TM9SF4: variants seen among roughly 807,000 people sequenced by gnomAD.
TM9SF4 encodes transmembrane 9 superfamily member 4.
TM9SF4 carries 26 observed loss-of-function variants against 90.4 expected under a neutral mutation model. That is an observed-to-expected ratio of 0.29 (90% CI 0.21 to 0.40). The LOEUF (loss-of-function observed/expected upper bound fraction) is 0.40, where lower values mean the gene tolerates loss of function less well. TM9SF4 is among the 10% of genes least tolerant of loss of function. TM9SF4 has a pLI of 1.00. For synonymous variants in TM9SF4, 293 were observed against 315.4 expected (o/e 0.93, Z 0.75); for missense variants, 549 against 834.8 (o/e 0.66, Z 4.22).
intron 1 of TM9SF4, 37 bp downstream of exon 1, chr20:32,109,792 G>C (rs1196605313): frequency 6.4e-6 from 10 of 1,551,404 alleles, no homozygotes; most frequent in Non-Finnish European, 8.7e-6. Context: ...GAGCTGGAGC[G>C]GGGCCCTCCG....
chr20:32,150,919 G>GC, intron 12 of TM9SF4, 44 bp downstream of exon 12: 1 of 1,605,944 alleles, frequency 6.2e-7, no homozygotes, highest in Non-Finnish European at 8.5e-7. Flanking sequence ...AAGCAGAGAA[G>GC]CTTCTTCCTG....
intron 17 of TM9SF4, among the ~76,000 whole-genome samples, chr20:32,163,268 A>AATATATATATATATATAT (rs1186662308): frequency 5.1e-4 from 38 of 74,350 alleles, no homozygotes; most frequent in African/African-American, 7.7e-4. Flanking sequence ...AAAAAAAAAA[A>AATATATATATATATATAT]ATATATATAT....
At position 32,154,764 on chromosome 20, in the gene TM9SF4, C is replaced by G. The variant is rs564244910; in HGVS notation, c.1246-339C>G. On this transcript the variant is annotated intron_variant, in intron 12 of 17. Coordinates refer to ENST00000398022, the MANE Select transcript of TM9SF4 (RefSeq NM_014742.4). ...CACCACGCCTGGCCAGAGTAGTTAC[C>G]GTGTTCTCAGTGATGAGAGTACATC... Among the ~76,000 whole-genome samples, 17 of 152,302 alleles carry G rather than the reference C, an allele frequency of 1.1e-4. No individual in the cohort carries two copies. The East Asian group carries it at 2.9e-3, about 26-fold the overall frequency.
intron 12 of TM9SF4, among the ~76,000 whole-genome samples, chr20:32,153,601 T>G (rs1223387595): frequency 6.6e-6 from 1 of 151,692 alleles, no homozygotes; most frequent in Non-Finnish European, 1.5e-5. Context: ...ATAAATTACT[T>G]GGATGTGGTG....
rs572499351 is a variant in TM9SF4, at chr20:32,128,420, C to T, written c.16-4593C>T. Among the ~76,000 whole-genome samples the T allele has an allele frequency of 3.9e-5, 6 of 152,226 alleles. No homozygotes were observed. In the East Asian group the frequency reaches 9.6e-4, roughly 24 times the overall value. ...GAAATGCAGGTTCTAGGGTAGGGCC[C>T]GTGATTCTGCATTTCTTTTCTTTTT... On this transcript the variant is annotated intron_variant, in intron 1 of 17. Transcript: ENST00000398022.
intron 1 of TM9SF4, among the ~76,000 whole-genome samples, chr20:32,112,727 C>T (rs2046164680): frequency 6.6e-6 from 1 of 151,306 alleles, no homozygotes; most frequent in South Asian, 2.1e-4. Context: ...CAAAACACAC[C>T]ACCACCAACA....
chr20:32,141,642 C>A lies in TM9SF4; in HGVS notation c.375C>A (p.Ile125=), dbSNP rs1322162650. 1 of 1,614,008 alleles carries A rather than the reference C, an allele frequency of 6.2e-7. No individual in the cohort carries two copies. The highest frequency in any genetic ancestry group is 1.7e-5 in the Admixed American group (1 of 60,000). The part of the protein sequence containing the change: ...VEQSRLVAER[I]TEDYYVHLIA... Reference sequence around the variant, plus strand: ...AGAGCCGACTCGTGGCCGAGCGGATCACAGAAGACTACTACGTCCACCTGT... The same window carrying A: ...AGAGCCGACTCGTGGCCGAGCGGATAACAGAAGACTACTACGTCCACCTGT... Residue 125 remains isoleucine (I), a synonymous_variant, in exon 4 of 18, where the codon ATC becomes ATA. Coordinates refer to ENST00000398022, the MANE Select transcript of TM9SF4 (RefSeq NM_014742.4).
rs529323548 is a variant in TM9SF4 at position 32,155,228 on chromosome 20, G to A, written c.1329+42G>A. ...CCCTTCCAGCCCCTCCCCAGCAAGC[G>A]AGGACCAGTTGCACTCAGCCCTACT... On this transcript the variant is annotated intron_variant, in intron 13 of 17. Transcript: ENST00000398022. The A allele has an allele frequency of 1.4e-4, 216 of 1,535,198 alleles. No homozygotes were observed. In the South Asian group the frequency reaches 1.9e-3, roughly 13 times the overall value.
At chr20:32,115,126 A>T (rs1222628651) in intron 1 of TM9SF4, among the ~76,000 whole-genome samples, 1 of 152,086 alleles carries the variant, frequency 6.6e-6, no homozygotes, top group Non-Finnish European at 1.5e-5. Context: ...GTTCTGCAGG[A>T]GCTACTGTGT....
chr20:32,136,009 A>T (rs2046589568), intron 2 of TM9SF4, 65 bp from the exon 3 acceptor site: 3 of 1,408,978 alleles, frequency 2.1e-6, no homozygotes, highest in Non-Finnish European at 3.0e-6. Flanking sequence ...TACCAAGTGT[A>T]CTAAAGATGT....
Position 32,157,873 on chromosome 20 carries a change from T to A in TM9SF4, c.1409T>A (p.Phe470Tyr). The A allele has an allele frequency of 6.2e-7, 1 of 1,614,124 alleles. No individual in the cohort carries two copies. Among genetic ancestry groups the A allele is most frequent in the Non-Finnish European group, 8.5e-7 (1 of 1,180,022 alleles). The change falls in exon 14 of 18, where the codon TTC becomes TAC. Residue 470 changes from phenylalanine (F) to tyrosine (Y), a missense_variant. Transcript: ENST00000398022. ...CCCCTCGTCTACTTGGGCTACTACT[T>A]CGGCTTCCGAAAGCAGCCATATGAC... ...SLPLVYLGYY[F>Y]GFRKQPYDNP... is the part of the protein sequence containing the mutation.
chr20:32,147,105 G>A (rs986169767), intron 9 of TM9SF4, among the ~76,000 whole-genome samples: 5 of 150,528 alleles, frequency 3.3e-5, no homozygotes, highest in African/African-American at 7.4e-5. Flanking sequence ...TCAACCTCCC[G>A]AATAGCTGAG....
chr20:32,148,148 G>T (rs749642860), intron 9 of TM9SF4, among the ~76,000 whole-genome samples: 4 of 151,992 alleles, frequency 2.6e-5, no homozygotes, highest in Non-Finnish European at 4.4e-5. Context: ...CTAAAATTTC[G>T]AATGTAATGA....
At chr20:32,163,322 C>A (rs2047054627) in intron 17 of TM9SF4, among the ~76,000 whole-genome samples, 1 of 138,624 alleles carries the variant, frequency 7.2e-6, no homozygotes, top group South Asian at 2.4e-4. Flanking sequence ...TGTACACATA[C>A]ATACCAGGGC....
intron 12 of TM9SF4, among the ~76,000 whole-genome samples, chr20:32,152,715 C>T (rs1210055140): frequency 6.6e-6 from 1 of 152,210 alleles, no homozygotes; most frequent in Non-Finnish European, 1.5e-5. Flanking sequence ...CCACACCACC[C>T]TTTCTTCTCA....
chr20:32,111,065 T>C (rs1332110248), intron 1 of TM9SF4, among the ~76,000 whole-genome samples: 1 of 152,222 alleles, frequency 6.6e-6, no homozygotes, highest in Non-Finnish European at 1.5e-5. Context: ...TATTATTGAC[T>C]GGTAGCAATT....
At chr20:32,119,976 G>A (rs1416473055) in intron 1 of TM9SF4, among the ~76,000 whole-genome samples, 2 of 152,106 alleles carry the variant, frequency 1.3e-5, no homozygotes, top group Non-Finnish European at 2.9e-5. Flanking sequence ...TAAATGTAAA[G>A]ATTTATTTAT....
intron 1 of TM9SF4, among the ~76,000 whole-genome samples, chr20:32,111,172 T>C (rs1256027664): frequency 1.3e-5 from 2 of 152,172 alleles, no homozygotes; most frequent in African/African-American, 4.8e-5. Context: ...TTTCATGGCC[T>C]TACCTGGTTT....
At chr20:32,137,682 T>C (rs1186532140) in intron 3 of TM9SF4, among the ~76,000 whole-genome samples, 3 of 152,194 alleles carry the variant, frequency 2.0e-5, no homozygotes, top group Non-Finnish European at 2.9e-5. Flanking sequence ...AAAACCATCC[T>C]TGATTGCGTG....
Sources: gnomAD v4.1 joint callset for allele counts (sites outside exome capture counted in the v4.1 genomes callset) on GRCh38, gnomAD v4.1.1 for gene constraint, MANE v1.5 for transcripts, NCBI Gene and HGNC (gene_info 2026-07-23, HGNC 2026-07-21) for gene names.